LRBA: variants seen among roughly 807,000 people sequenced by gnomAD.
The protein encoded by LRBA is lipopolysaccharide-responsive and beige-like anchor protein.
Under a neutral mutation model 330.0 loss-of-function variants are expected in LRBA, and 176 were observed. The ratio of observed to expected loss-of-function variants is 0.53; its 90% CI spans 0.47 to 0.60. LRBA has a LOEUF of 0.60. Ranked by LOEUF, LRBA falls within the 20% of genes least tolerant of loss-of-function variation. The pLI, the probability that LRBA is intolerant of heterozygous loss-of-function variation, is 0.00. For missense variants in LRBA, 3,259 were observed against 3,444.8 expected (o/e 0.95, Z 1.35); for synonymous variants, 1,230 against 1,193.0 (o/e 1.03, Z -0.64).
chr4:150,619,580 T>C (rs181973088), intron 37 of LRBA, among the ~76,000 whole-genome samples: 4 of 152,314 alleles, frequency 2.6e-5, no homozygotes, highest in African/African-American at 9.6e-5. Flanking sequence ...AACCATCTTG[T>C]AACAGTCTAT....
In LRBA at chr4:150,823,839, C is replaced by T. The variant is rs182063811; in HGVS notation, c.5171+4341G>A. 7.9e-5 allele frequency among the ~76,000 whole-genome samples: 12 copies of T among 152,048 alleles called. No homozygotes were observed. The East Asian group carries it at 1.7e-3, about 22-fold the overall frequency. ...TATCTGTTTTTATGACAGTATCATG[C>T]TGTTTTGGTTACCATAGCTCTGTAG... On this transcript the variant is annotated intron_variant, in intron 30 of 56. Transcript: ENST00000651943.
At chr4:150,380,233 C>G (rs1742006419) in intron 47 of LRBA, among the ~76,000 whole-genome samples, 1 of 151,852 alleles carries the variant, frequency 6.6e-6, no homozygotes, top group South Asian at 2.1e-4. Flanking sequence ...GATCACAACT[C>G]TACTCCTCAA....
At chr4:150,763,612 T>G (rs189637534) in intron 34 of LRBA, among the ~76,000 whole-genome samples, 1 of 152,068 alleles carries the variant, frequency 6.6e-6, no homozygotes, top group East Asian at 1.9e-4. Flanking sequence ...GAGAAGGGCA[T>G]GTGCCACGAA....
At chr4:150,783,327 A>G (rs143801032) in intron 34 of LRBA, among the ~76,000 whole-genome samples, 30 of 152,346 alleles carry the variant, frequency 2.0e-4, no homozygotes, top group Non-Finnish European at 4.3e-4. Context: ...TTATAGGATA[A>G]TAGCGTACCG....
At chr4:150,401,698 A>G (rs1743396166) in intron 47 of LRBA, among the ~76,000 whole-genome samples, 1 of 152,206 alleles carries the variant, frequency 6.6e-6, no homozygotes, top group African/African-American at 2.4e-5. Flanking sequence ...CGAAAGTATT[A>G]CATCAACATA....
chr4:150,473,803 T>C (rs957676329), intron 42 of LRBA, among the ~76,000 whole-genome samples: 2 of 152,198 alleles, frequency 1.3e-5, no homozygotes, highest in Non-Finnish European at 2.9e-5. Flanking sequence ...CCAATTCCCA[T>C]AATAAATCTC....
intron 46 of LRBA, among the ~76,000 whole-genome samples, chr4:150,431,702 A>G (rs1459696341): frequency 1.3e-5 from 2 of 152,094 alleles, no homozygotes; most frequent in Admixed American, 1.3e-4. Context: ...TAATTACATA[A>G]GTGGCTTATA....
chr4:150,818,567 T>TGTGTGTGTGTGC (rs1376093670), intron 30 of LRBA, among the ~76,000 whole-genome samples: 1 of 149,286 alleles, frequency 6.7e-6, no homozygotes, highest in Non-Finnish European at 1.5e-5. Flanking sequence ...TGTGTGTGCG[T>TGTGTGTGTGTGC]GCACGAATGT....
At chr4:150,900,441 T>C (rs1410513799) in intron 13 of LRBA, among the ~76,000 whole-genome samples, 1 of 152,200 alleles carries the variant, frequency 6.6e-6, no homozygotes, top group Non-Finnish European at 1.5e-5. Flanking sequence ...TATAGCAGCA[T>C]TATCAAATAT....
At chr4:150,383,885 G>A (rs905976533) in intron 47 of LRBA, among the ~76,000 whole-genome samples, 3 of 152,098 alleles carry the variant, frequency 2.0e-5, no homozygotes, top group African/African-American at 7.2e-5. Flanking sequence ...TCTGCCTCCA[G>A]GTGGTGAAAA....
chr4:150,294,876 G>A (rs144396091), intron 53 of LRBA, among the ~76,000 whole-genome samples: 2,642 of 152,172 alleles, frequency 0.017, 75 homozygotes, highest in African/African-American at 0.058. Context: ...GCTTGAACCT[G>A]GGAGGTGGAG....
rs767440285 is a variant in LRBA, at chr4:150,583,758, G to C, written c.6330+4290C>G. ...GGGAGGCGGAGAACCGCCTGCTGAT[G>C]GGCGGCTGCCGAAACAAGTGCCTCT... On this transcript the variant is annotated intron_variant, in intron 40 of 56. Coordinates refer to ENST00000651943, the MANE Select transcript of LRBA (RefSeq NM_001364905.1). This position sits in a 1 kb window ranked among gnomAD's most constrained non-coding sequence, Gnocchi z 9.8. The C allele has an allele frequency of 1.2e-6, 2 of 1,613,964 alleles. No individual in the cohort carries two copies. The highest frequency in any genetic ancestry group is 1.7e-6 in the Non-Finnish European group (2 of 1,179,964).
intron 2 of LRBA, among the ~76,000 whole-genome samples, chr4:150,942,198 A>G (rs1735743745): frequency 6.6e-6 from 1 of 152,212 alleles, no homozygotes. Context: ...GTTTTCACCG[A>G]ATACAACAAT....
chr4:150,744,037 A>T (rs1176032747), intron 35 of LRBA, among the ~76,000 whole-genome samples: 3 of 152,234 alleles, frequency 2.0e-5, no homozygotes, highest in South Asian at 2.1e-4. Context: ...TTTCTTATCT[A>T]TGATTTTGGG....
At chr4:150,977,637 C>A (rs896727864) in intron 2 of LRBA, among the ~76,000 whole-genome samples, 2 of 152,118 alleles carry the variant, frequency 1.3e-5, no homozygotes, top group Non-Finnish European at 2.9e-5. Flanking sequence ...GACAGCATTT[C>A]TGGACATGCC....
chr4:150,316,673 C>T (rs111364345), intron 50 of LRBA, among the ~76,000 whole-genome samples: 2 of 152,234 alleles, frequency 1.3e-5, no homozygotes, highest in South Asian at 2.1e-4. Context: ...CCATTGATAC[C>T]GGTGGGCTAG....
chr4:150,347,772 C>T (rs1002896346), intron 48 of LRBA, among the ~76,000 whole-genome samples: 2 of 151,934 alleles, frequency 1.3e-5, no homozygotes, highest in African/African-American at 4.8e-5. Flanking sequence ...ATTGAGCTTA[C>T]ACCTATATTC....
intron 34 of LRBA, among the ~76,000 whole-genome samples, chr4:150,779,762 G>A (rs1423434100): frequency 1.3e-5 from 2 of 152,054 alleles, no homozygotes; most frequent in African/African-American, 4.8e-5. Flanking sequence ...CCACATATAT[G>A]TTGGTTTCTG....
chr4:150,687,647 C>A (rs1030371859), intron 36 of LRBA, among the ~76,000 whole-genome samples: 1 of 151,990 alleles, frequency 6.6e-6, no homozygotes, highest in Non-Finnish European at 1.5e-5. Flanking sequence ...GATAAATAAA[C>A]CTCCACAGAA....
Sources: allele counts gnomAD v4.1 joint callset (sites outside exome capture counted in the v4.1 genomes callset), GRCh38; gene constraint gnomAD v4.1.1; non-coding constraint Gnocchi (gnomAD v3.1); transcripts MANE v1.5; gene names NCBI Gene and HGNC (gene_info 2026-07-23, HGNC 2026-07-21).